The following PDGFD variants were observed in gnomAD, a reference collection of about 807,000 sequenced individuals.
PDGFD encodes the protein platelet derived growth factor D, also known as platelet-derived growth factor D.
PDGFD carries 30 observed loss-of-function variants against 44.7 expected under a neutral mutation model. The observed-to-expected ratio is 0.67, with a 90% CI of 0.50 to 0.91. The LOEUF is 0.91. Ranked by LOEUF, PDGFD falls within the 40% of genes least tolerant of loss-of-function variation. The pLI is 0.00. For synonymous variants in PDGFD, 173 were observed against 168.4 expected (o/e 1.03, Z -0.21); for missense variants, 445 against 457.8 (o/e 0.97, Z 0.25).
At chr11:104,004,682 A>C (rs970417885) in intron 1 of PDGFD, among the ~76,000 whole-genome samples, 1 of 152,148 alleles carries the variant, frequency 6.6e-6, no homozygotes, top group African/African-American at 2.4e-5. Flanking sequence ...CTGCCAAAAA[A>C]TACACCTGAA....
chr11:104,000,267 C>A lies in PDGFD; in HGVS notation c.125-12G>T. 2 of 1,608,040 alleles carry A rather than the reference C, an allele frequency of 1.2e-6. No homozygotes were observed. The highest frequency in any genetic ancestry group is 2.2e-5 in the South Asian group (2 of 90,686). On this transcript the variant is annotated splice_polypyrimidine_tract_variant and intron_variant, in intron 1 of 6. Coordinates refer to ENST00000393158, the MANE Select transcript of PDGFD (RefSeq NM_025208.5). ...GAGGTGATTGCTCTCTGTTAGTAGTCACAACTTGTAGAAATTAGTATGTTG... is the reference window on the plus strand; with the variant it reads ...GAGGTGATTGCTCTCTGTTAGTAGTAACAACTTGTAGAAATTAGTATGTTG...
At chr11:103,959,923 A>G (rs1435680785) in intron 3 of PDGFD, among the ~76,000 whole-genome samples, 2 of 152,188 alleles carry the variant, frequency 1.3e-5, no homozygotes, top group African/African-American at 4.8e-5. Context: ...AATTTCTATT[A>G]GTTCATGCGT....
At chr11:104,061,080 T>C (rs1860708792) in intron 1 of PDGFD, among the ~76,000 whole-genome samples, 1 of 152,202 alleles carries the variant, frequency 6.6e-6, no homozygotes, top group East Asian at 1.9e-4. Context: ...GTCTGGCTCA[T>C]TTCACTTATA....
At chr11:103,941,241 C>T (rs1858579308) in intron 5 of PDGFD, among the ~76,000 whole-genome samples, 1 of 151,990 alleles carries the variant, frequency 6.6e-6, no homozygotes, top group Non-Finnish European at 1.5e-5. Flanking sequence ...TTTCAAAGCT[C>T]CCTCAGGTAT....
intron 1 of PDGFD, among the ~76,000 whole-genome samples, chr11:104,034,054 C>G (rs1860176340): frequency 6.6e-6 from 1 of 152,168 alleles, no homozygotes; most frequent in Non-Finnish European, 1.5e-5. Context: ...CTTTGTGTCT[C>G]CACTCTGGCG....
intron 6 of PDGFD, among the ~76,000 whole-genome samples, chr11:103,916,169 G>A (rs947963620): frequency 6.6e-6 from 1 of 152,068 alleles, no homozygotes; most frequent in African/African-American, 2.4e-5. Context: ...TACAGAATGG[G>A]AGAAAATTTT....
chr11:104,108,401 G>A (rs957453903), intron 1 of PDGFD, among the ~76,000 whole-genome samples: 5 of 151,916 alleles, frequency 3.3e-5, no homozygotes, highest in African/African-American at 1.2e-4. Flanking sequence ...GATATGAACA[G>A]ACCCTTCTCA....
intron 6 of PDGFD, among the ~76,000 whole-genome samples, chr11:103,920,996 T>G (rs1339363159): frequency 6.6e-6 from 1 of 152,184 alleles, no homozygotes; most frequent in Non-Finnish European, 1.5e-5. Context: ...TTGTAGGTTA[T>G]TATGGGGATT....
At chr11:104,041,268 C>G (rs1416183779) in intron 1 of PDGFD, among the ~76,000 whole-genome samples, 1 of 151,890 alleles carries the variant, frequency 6.6e-6, no homozygotes, top group East Asian at 1.9e-4. Flanking sequence ...GACTTGTAAC[C>G]AACTAAGAGC....
At chr11:104,048,841 A>G (rs537838367) in intron 1 of PDGFD, among the ~76,000 whole-genome samples, 1 of 152,332 alleles carries the variant, frequency 6.6e-6, no homozygotes, top group South Asian at 2.1e-4. Context: ...CTTGAAGCTT[A>G]TTTCCAATGA....
chr11:103,996,933 T>C (rs748217765), intron 2 of PDGFD, among the ~76,000 whole-genome samples: 14 of 152,168 alleles, frequency 9.2e-5, no homozygotes, highest in African/African-American at 1.2e-4. Context: ...CCTCTGGCAT[T>C]GGTCGGAGAA....
At chr11:104,022,110 G>A (rs758609223) in intron 1 of PDGFD, among the ~76,000 whole-genome samples, 32 of 152,166 alleles carry the variant, frequency 2.1e-4, no homozygotes, top group African/African-American at 2.7e-4. Context: ...CTGGAATAGA[G>A]TAGAAATTTT....
At chr11:104,071,833 T>G (rs947907732) in intron 1 of PDGFD, among the ~76,000 whole-genome samples, 5 of 151,794 alleles carry the variant, frequency 3.3e-5, no homozygotes, top group Admixed American at 6.6e-5. Context: ...TCAACTTCAT[T>G]TATTAAAAAG....
intron 1 of PDGFD, among the ~76,000 whole-genome samples, chr11:104,006,986 C>G (rs919657773): frequency 6.6e-6 from 1 of 152,198 alleles, no homozygotes; most frequent in Non-Finnish European, 1.5e-5. Flanking sequence ...TAAAAGTGCA[C>G]ACTGTATCAC....
intron 1 of PDGFD, among the ~76,000 whole-genome samples, chr11:104,114,742 C>T (rs1442793758): frequency 6.6e-6 from 1 of 151,910 alleles, no homozygotes; most frequent in Non-Finnish European, 1.5e-5. Flanking sequence ...TAGAATATCT[C>T]TCCATTTATT....
chr11:104,060,577 G>A (rs1432874864), intron 1 of PDGFD, among the ~76,000 whole-genome samples: 1 of 152,164 alleles, frequency 6.6e-6, no homozygotes, highest in Non-Finnish European at 1.5e-5. Context: ...TAGCCAAGGG[G>A]AATTCTGTCT....
intron 3 of PDGFD, among the ~76,000 whole-genome samples, chr11:103,955,654 T>A (rs1267045829): frequency 6.6e-6 from 1 of 152,230 alleles, no homozygotes; most frequent in East Asian, 1.9e-4. Context: ...ATCAAGAGTC[T>A]AAGAATCAAT....
intron 1 of PDGFD, among the ~76,000 whole-genome samples, chr11:104,135,150 AAC>A (rs1861985273): frequency 0.021 from 1 of 48 alleles, no homozygotes; most frequent in African/African-American, 0.17. Flanking sequence ...TTAATATAAT[AAC>A]ATTTAACATT....
chr11:104,110,516 AC>A (rs768171784), intron 1 of PDGFD, among the ~76,000 whole-genome samples: 571 of 150,528 alleles, frequency 3.8e-3, no homozygotes, highest in Middle Eastern at 6.8e-3. Flanking sequence ...AAAAAAAAAA[AC>A]AACAAAAAAA....
Sources: allele counts gnomAD v4.1 joint callset (sites outside exome capture counted in the v4.1 genomes callset), GRCh38; gene constraint gnomAD v4.1.1; transcripts MANE v1.5; gene names NCBI Gene and HGNC (gene_info 2026-07-23, HGNC 2026-07-21).